Variants in COL23A1 observed in about 807,000 individuals in gnomAD.
COL23A1 encodes collagen alpha-1(XXIII) chain.
A neutral mutation model predicts 99.3 loss-of-function variants in COL23A1; 97 were observed. That is an observed-to-expected ratio of 0.98 (90% CI 0.83 to 1.16). COL23A1 has a LOEUF of 1.16. COL23A1 is among the 50% of genes most tolerant of loss of function. The probability of loss-of-function intolerance (pLI) is 0.00; values close to 1 mark genes in which losing one functional copy is unlikely to be tolerated. For synonymous variants in COL23A1, 320 were observed against 308.2 expected (o/e 1.04, Z -0.40); for missense variants, 762 against 757.4 (o/e 1.01, Z -0.07).
chr5:178,357,039 T>G (rs9329144), intron 2 of COL23A1, among the ~76,000 whole-genome samples: 2,892 of 152,342 alleles, frequency 0.019, 66 homozygotes, highest in African/African-American at 0.057. Context: ...AATGCAAGTA[T>G]TGTCTAAAGT....
intron 5 of COL23A1, among the ~76,000 whole-genome samples, chr5:178,278,027 T>C (rs1756689705): frequency 6.6e-6 from 1 of 152,164 alleles, no homozygotes; most frequent in Admixed American, 6.5e-5. Context: ...GAACACACCA[T>C]CAGCTCATTT....
At chr5:178,456,499 G>C (rs996956721) in intron 2 of COL23A1, among the ~76,000 whole-genome samples, 3 of 152,210 alleles carry the variant, frequency 2.0e-5, no homozygotes, top group African/African-American at 7.2e-5. Flanking sequence ...GGGAGTTCGA[G>C]ACCAGCCTGA....
chr5:178,337,876 CTATT>C (rs1184484733), intron 2 of COL23A1, among the ~76,000 whole-genome samples: 1 of 152,108 alleles, frequency 6.6e-6, no homozygotes, highest in African/African-American at 2.4e-5. Context: ...ATTATACAAT[CTATT>C]TGTTTATATA....
intron 8 of COL23A1, among the ~76,000 whole-genome samples, chr5:178,265,161 A>C (rs1755810171): frequency 6.6e-6 from 1 of 152,216 alleles, no homozygotes; most frequent in Admixed American, 6.5e-5. Context: ...CCTCTCTAGC[A>C]AACTGCACTT....
chr5:178,296,331 C>G (rs952382960), intron 3 of COL23A1, among the ~76,000 whole-genome samples: 1 of 152,150 alleles, frequency 6.6e-6, no homozygotes. Context: ...CCACTGAATG[C>G]GTTCCCCAGA....
chr5:178,290,801 G>A (rs1227711684), intron 3 of COL23A1, among the ~76,000 whole-genome samples: 2 of 152,192 alleles, frequency 1.3e-5, no homozygotes, highest in Admixed American at 1.3e-4. Flanking sequence ...GGGTGTGGCT[G>A]AACAGGCTTT....
At chr5:178,577,824 C>T (rs1404306891) in intron 1 of COL23A1, among the ~76,000 whole-genome samples, 2 of 152,240 alleles carry the variant, frequency 1.3e-5, no homozygotes, top group African/African-American at 4.8e-5. Context: ...GGACGCTGGC[C>T]GGTTCAGAGG....
intron 2 of COL23A1, among the ~76,000 whole-genome samples, chr5:178,350,464 AGGCTGGATGAACAGAGGGGT>A (rs1223343735): frequency 6.6e-6 from 1 of 152,110 alleles, no homozygotes; most frequent in Non-Finnish European, 1.5e-5. Flanking sequence ...TCAGGAAGCA[AGGCTGGATGAACAGAGGGGT>A]GGCTGGGCCC....
intron 2 of COL23A1, among the ~76,000 whole-genome samples, chr5:178,337,091 G>A (rs923940398): frequency 1.3e-5 from 2 of 152,348 alleles, no homozygotes; most frequent in South Asian, 4.1e-4. Context: ...CCATGGGAGG[G>A]GGGCCTGCGG....
chr5:178,587,005 G>T (rs1226500264), intron 1 of COL23A1, among the ~76,000 whole-genome samples: 1 of 152,210 alleles, frequency 6.6e-6, no homozygotes, highest in Non-Finnish European at 1.5e-5. Flanking sequence ...TAAATCCATT[G>T]TAAGCTGGCA....
At chr5:178,275,891 C>T (rs1317380526) in intron 5 of COL23A1, among the ~76,000 whole-genome samples, 2 of 152,166 alleles carry the variant, frequency 1.3e-5, no homozygotes, top group East Asian at 1.9e-4. Context: ...CCCTTAAACA[C>T]CCTGGCCCAG....
In COL23A1 at chr5:178,590,014, G is replaced by A; in HGVS notation, c.184C>T (p.Gln62Ter). Residue 62 changes from glutamine (Q) to a stop codon, truncating the protein, a stop_gained, in exon 1 of 29, where the codon CAG (glutamine) becomes TAG (stop). Coordinates refer to ENST00000390654, the MANE Select transcript of COL23A1 (RefSeq NM_173465.4). LOFTEE classifies it high-confidence loss of function. This position sits in a 1 kb window ranked among gnomAD's most constrained non-coding sequence, Gnocchi z 5.7. Reference protein sequence around the residue: ...LLLGVQAAALQGRVAALEEER... With the variant: ...LLLGVQAAAL ...TCCTCGAGCGCCGCCACCCGGCCCTGCAGCGCGGCCGCCTGGACACCCAGC... is the reference window on the plus strand; with the variant it reads ...TCCTCGAGCGCCGCCACCCGGCCCTACAGCGCGGCCGCCTGGACACCCAGC... The A allele has an allele frequency of 7.4e-7, 1 of 1,352,968 alleles. No individual in the cohort carries two copies. 83.8% of individuals were successfully genotyped at this position (1,352,968 alleles called of 1,614,324 possible).
intron 2 of COL23A1, among the ~76,000 whole-genome samples, chr5:178,344,602 C>T (rs543766359): frequency 6.6e-6 from 1 of 152,080 alleles, no homozygotes; most frequent in South Asian, 2.1e-4. Context: ...GACATCATGT[C>T]ACTGCACTCC....
chr5:178,537,539 G>C (rs1255133811), intron 2 of COL23A1, among the ~76,000 whole-genome samples: 1 of 152,214 alleles, frequency 6.6e-6, no homozygotes, highest in Non-Finnish European at 1.5e-5. Flanking sequence ...TCTGTGGCAG[G>C]GGGTGCTGGC....
chr5:178,364,956 C>T (rs986381452), intron 2 of COL23A1, among the ~76,000 whole-genome samples: 5 of 152,316 alleles, frequency 3.3e-5, no homozygotes, highest in Admixed American at 6.5e-5. Flanking sequence ...GCCTGGGCTC[C>T]GAGCTGCTCA....
At chr5:178,286,377 C>A (rs1263457535) in intron 5 of COL23A1, among the ~76,000 whole-genome samples, 2 of 152,140 alleles carry the variant, frequency 1.3e-5, no homozygotes, top group Non-Finnish European at 1.5e-5. Flanking sequence ...GGGCTCCACA[C>A]ACATCCTTCT....
chr5:178,450,802 T>C (rs1581413422), intron 2 of COL23A1, among the ~76,000 whole-genome samples: 1 of 152,322 alleles, frequency 6.6e-6, no homozygotes. Context: ...CCATTTGTCC[T>C]GTTTTACAGA....
At chr5:178,284,315 C>T (rs1328003180) in intron 5 of COL23A1, among the ~76,000 whole-genome samples, 3 of 152,184 alleles carry the variant, frequency 2.0e-5, no homozygotes, top group Non-Finnish European at 4.4e-5. Flanking sequence ...TAATCTCTGA[C>T]TAGTTCTAAT....
At chr5:178,553,906 A>G (rs918742325) in intron 2 of COL23A1, among the ~76,000 whole-genome samples, 13 of 152,168 alleles carry the variant, frequency 8.5e-5, no homozygotes, top group African/African-American at 1.4e-4. Flanking sequence ...CGACGGACCT[A>G]ACAACAGACA....
Sources: gnomAD v4.1 joint callset for allele counts (sites outside exome capture counted in the v4.1 genomes callset) on GRCh38, gnomAD v4.1.1 for gene constraint, Gnocchi (gnomAD v3.1) non-coding constraint, MANE v1.5 for transcripts, NCBI Gene and HGNC (gene_info 2026-07-23, HGNC 2026-07-21) for gene names.